The following NEGR1 variants were observed in gnomAD, a reference collection of about 807,000 sequenced individuals.
The protein encoded by NEGR1 is neuronal growth regulator 1, also known as IgLON family member 4.
Under a neutral mutation model 40.9 loss-of-function variants are expected in NEGR1, and 10 were observed. That is an observed-to-expected ratio of 0.24 (90% CI 0.15 to 0.42). The LOEUF (loss-of-function observed/expected upper bound fraction) is 0.42, where lower values mean the gene tolerates loss of function less well. Ranked by LOEUF, NEGR1 falls within the 10% of genes least tolerant of loss-of-function variation. NEGR1 has a pLI of 1.00. For synonymous variants in NEGR1, 185 were observed against 166.8 expected, an observed-to-expected ratio of 1.11 and a Z score of -0.84; for missense variants, 352 against 438.9, an observed-to-expected ratio of 0.80 and a Z score of 1.77.
intron 1 of NEGR1, among the ~76,000 whole-genome samples, chr1:72,226,184 C>T (rs982361221): frequency 3.3e-5 from 5 of 151,798 alleles, no homozygotes; most frequent in African/African-American, 1.2e-4. Flanking sequence ...AATAAAATTA[C>T]ACAGTCTGGA....
chr1:71,827,639 A>T (rs1658681362), intron 2 of NEGR1, among the ~76,000 whole-genome samples: 1 of 151,988 alleles, frequency 6.6e-6, no homozygotes, highest in Non-Finnish European at 1.5e-5. Context: ...ACAAAACAAT[A>T]ACAAAATTGC....
chr1:71,823,196 C>T (rs1385459902), intron 2 of NEGR1, among the ~76,000 whole-genome samples: 2 of 135,160 alleles, frequency 1.5e-5, no homozygotes, highest in Admixed American at 8.4e-5. Flanking sequence ...GTCCCAATTT[C>T]TGCATCATTT....
intron 4 of NEGR1, among the ~76,000 whole-genome samples, chr1:71,653,390 G>A (rs775977441): frequency 5.5e-4 from 84 of 152,096 alleles, no homozygotes; most frequent in African/African-American, 1.0e-3. Flanking sequence ...GAAAAATTAC[G>A]TCAACAACTT....
intron 2 of NEGR1, among the ~76,000 whole-genome samples, chr1:71,910,046 T>C (rs1303883053): frequency 6.6e-6 from 1 of 152,196 alleles, no homozygotes; most frequent in African/African-American, 2.4e-5. Flanking sequence ...ACAGTACATC[T>C]TTTTGTGTGT....
intron 1 of NEGR1, among the ~76,000 whole-genome samples, chr1:72,053,229 G>A (rs1647077961): frequency 6.6e-6 from 1 of 150,786 alleles, no homozygotes; most frequent in African/African-American, 2.4e-5. Flanking sequence ...TTTTTTTTAG[G>A]AGCCTGTGTT....
intron 3 of NEGR1, among the ~76,000 whole-genome samples, chr1:71,746,535 T>C (rs188628221): frequency 7.9e-5 from 12 of 152,222 alleles, no homozygotes; most frequent in African/African-American, 2.9e-4. Context: ...TGTAAGTCCT[T>C]AAGTGACTAT....
At chr1:71,532,804 A>G (rs999129493) in intron 6 of NEGR1, among the ~76,000 whole-genome samples, 1 of 151,618 alleles carries the variant, frequency 6.6e-6, no homozygotes, top group East Asian at 2.0e-4. Flanking sequence ...TATAATGATG[A>G]GAAGGTCTTG....
At position 71,766,233 on chromosome 1, in the gene NEGR1, G is replaced by A. The variant is rs558924065; in HGVS notation, c.535+9939C>T. ...TCTAAATGTGAGCAGGATAGGGTCA[G>A]TAGAAAGGAAAAAGTTAAAGATGTA... On this transcript the variant is annotated intron_variant, in intron 3 of 6. Transcript: ENST00000357731. 3.3e-5 allele frequency among the ~76,000 whole-genome samples: 5 copies of A among 151,448 alleles called. No individual in the cohort carries two copies. The South Asian group carries it at 1.0e-3, about 32-fold the overall frequency.
chr1:72,117,736 A>G (rs1348091496), intron 1 of NEGR1, among the ~76,000 whole-genome samples: 1 of 151,838 alleles, frequency 6.6e-6, no homozygotes, highest in Non-Finnish European at 1.5e-5. Flanking sequence ...GTTTGTAGGC[A>G]GAATGCGTCT....
intron 2 of NEGR1, among the ~76,000 whole-genome samples, chr1:71,881,553 A>AT (rs1660584955): frequency 6.6e-6 from 1 of 152,082 alleles, no homozygotes; most frequent in Non-Finnish European, 1.5e-5. Context: ...TTAAGCCAAA[A>AT]TTTATATGTA....
intron 1 of NEGR1, among the ~76,000 whole-genome samples, chr1:72,213,474 A>G (rs1303994468): frequency 6.6e-6 from 1 of 152,008 alleles, no homozygotes; most frequent in East Asian, 1.9e-4. Flanking sequence ...ACATTCATCC[A>G]GGTAATTTAT....
intron 4 of NEGR1, among the ~76,000 whole-genome samples, chr1:71,623,869 A>G (rs1337101582): frequency 3.3e-5 from 5 of 151,946 alleles, no homozygotes; most frequent in Non-Finnish European, 7.4e-5. Flanking sequence ...ACTCTGCCTA[A>G]TAGCAAAAGT....
intron 2 of NEGR1, among the ~76,000 whole-genome samples, chr1:71,821,510 C>T (rs1389027121): frequency 6.6e-6 from 1 of 151,964 alleles, no homozygotes; most frequent in African/African-American, 2.4e-5. Context: ...CTAGTTGACA[C>T]ACACAAAAAA....
At chr1:71,564,910 G>T (rs959932439) in intron 6 of NEGR1, among the ~76,000 whole-genome samples, 1 of 152,048 alleles carries the variant, frequency 6.6e-6, no homozygotes, top group African/African-American at 2.4e-5. Context: ...TAAAACTCAA[G>T]TATTCAGATT....
chr1:71,990,672 T>G (rs2100357219), intron 1 of NEGR1, among the ~76,000 whole-genome samples: 1 of 152,178 alleles, frequency 6.6e-6, no homozygotes, highest in South Asian at 2.1e-4. Flanking sequence ...CTTAGAATAG[T>G]CCTAGTCTAC....
intron 1 of NEGR1, among the ~76,000 whole-genome samples, chr1:72,110,384 T>A (rs1297899339): frequency 1.3e-5 from 2 of 151,554 alleles, no homozygotes; most frequent in Non-Finnish European, 3.0e-5. Context: ...TGAATGCACT[T>A]GACAACTTGA....
intron 5 of NEGR1, among the ~76,000 whole-genome samples, chr1:71,599,105 A>G (rs1649835008): frequency 6.6e-6 from 1 of 152,174 alleles, no homozygotes; most frequent in African/African-American, 2.4e-5. Context: ...AAATGGGAGA[A>G]ATGAAGCCAA....
intron 1 of NEGR1, among the ~76,000 whole-genome samples, chr1:71,958,942 A>G (rs1208038444): frequency 7.5e-6 from 1 of 133,848 alleles, no homozygotes; most frequent in Non-Finnish European, 1.6e-5. Context: ...GCAAGGCTCC[A>G]TCTCATCTCA....
chr1:71,894,160 C>A (rs1311666424), intron 2 of NEGR1, among the ~76,000 whole-genome samples: 3 of 133,024 alleles, frequency 2.3e-5, no homozygotes, highest in Admixed American at 7.7e-5. Flanking sequence ...CAGCATGGCA[C>A]ATGTATACAT....
Sources: allele counts gnomAD v4.1 joint callset (sites outside exome capture counted in the v4.1 genomes callset), GRCh38; gene constraint gnomAD v4.1.1; transcripts MANE v1.5; gene names NCBI Gene and HGNC (gene_info 2026-07-23, HGNC 2026-07-21).